Variants in SMURF1 observed in about 807,000 individuals in gnomAD.
SMURF1 encodes E3 ubiquitin-protein ligase SMURF1.
A neutral mutation model predicts 98.0 loss-of-function variants in SMURF1; 44 were observed. The ratio of observed to expected loss-of-function variants is 0.45; its 90% CI spans 0.35 to 0.58. The LOEUF is 0.58. Among genes scored for constraint, SMURF1 ranks in the 20% least tolerant of loss-of-function variants. The pLI, the probability that SMURF1 is intolerant of heterozygous loss-of-function variation, is 0.00. For synonymous variants in SMURF1, 396 were observed against 374.9 expected, an observed-to-expected ratio of 1.06 and a Z score of -0.65; for missense variants, 687 against 938.4, an observed-to-expected ratio of 0.73 and a Z score of 3.50.
intron 1 of SMURF1, among the ~76,000 whole-genome samples, chr7:99,090,754 T>C (rs1323254703): frequency 6.6e-6 from 1 of 152,230 alleles, no homozygotes; most frequent in Non-Finnish European, 1.5e-5. Flanking sequence ...TACTTTAGTA[T>C]TAGAATCTTT....
intron 16 of SMURF1, among the ~76,000 whole-genome samples, chr7:99,034,909 G>A (rs1795075291): frequency 6.6e-6 from 1 of 152,192 alleles, no homozygotes; most frequent in Non-Finnish European, 1.5e-5. Flanking sequence ...AGTCCAATCA[G>A]CTAAATTTCA....
chr7:99,063,286 T>G lies in SMURF1; in HGVS notation c.56-1449A>C, dbSNP rs867758322. Among the ~76,000 whole-genome samples, 76 of 19,636 alleles carry G rather than the reference T, an allele frequency of 3.9e-3. 6 individuals carry two copies. The highest frequency in any genetic ancestry group is 0.011 in the African/African-American group (72 of 6,720). The allele number at this position is 19,636 out of a possible 152,430, so 12.9% of individuals were successfully genotyped here. The stretch of plus-strand genomic sequence containing the variant: ...ATATATATATATATATATATATATA[T>G]ATATATATATATATATATAAAAAGA... On this transcript the variant is annotated intron_variant, in intron 1 of 17. Coordinates refer to ENST00000361368, the MANE Select transcript of SMURF1 (RefSeq NM_181349.3).
At chr7:99,089,717 T>A (rs1398358621) in intron 1 of SMURF1, among the ~76,000 whole-genome samples, 2 of 152,222 alleles carry the variant, frequency 1.3e-5, no homozygotes, top group African/African-American at 4.8e-5. Context: ...CCTTTCACAA[T>A]GTTACACCAT....
At chr7:99,127,758 T>G (rs1797777384) in intron 1 of SMURF1, among the ~76,000 whole-genome samples, 1 of 152,190 alleles carries the variant, frequency 6.6e-6, no homozygotes, top group African/African-American at 2.4e-5. Flanking sequence ...TTTATTCTAG[T>G]ATGAGAAACA....
chr7:99,040,926 G>A (rs1795352129), intron 12 of SMURF1, among the ~76,000 whole-genome samples: 1 of 152,104 alleles, frequency 6.6e-6, no homozygotes, highest in Admixed American at 6.5e-5. Context: ...CGCGCACCCA[G>A]GAAGCCAGCC....
At chr7:99,032,527 A>C (rs530679399) in intron 17 of SMURF1, among the ~76,000 whole-genome samples, 3 of 152,180 alleles carry the variant, frequency 2.0e-5, no homozygotes, top group Non-Finnish European at 4.4e-5. Context: ...AAATTAGCCA[A>C]GTGTGGTGGC....
intron 1 of SMURF1, among the ~76,000 whole-genome samples, chr7:99,068,917 A>G (rs1027203388): frequency 1.2e-4 from 18 of 152,142 alleles, no homozygotes; most frequent in Non-Finnish European, 2.9e-5. Context: ...TTGTCAGTGA[A>G]GCCTCACTCA....
intron 1 of SMURF1, among the ~76,000 whole-genome samples, chr7:99,098,535 T>C (rs1797002789): frequency 6.6e-6 from 1 of 152,200 alleles, no homozygotes; most frequent in Non-Finnish European, 1.5e-5. Flanking sequence ...TCATCACTAA[T>C]TGACTCATAT....
chr7:99,063,955 C>T (rs1266433128), intron 1 of SMURF1, among the ~76,000 whole-genome samples: 1 of 151,966 alleles, frequency 6.6e-6, no homozygotes. Flanking sequence ...GAGGCCGAGG[C>T]GGACGGATTA....
chr7:99,036,997 CAAGGATTT>C, intron 15 of SMURF1, 62 bp downstream of exon 15: 1 of 1,608,496 alleles, frequency 6.2e-7, no homozygotes, highest in Non-Finnish European at 8.5e-7. Flanking sequence ...CCCCCTGCAG[CAAGGATTT>C]AAAACAGGCA....
At chr7:99,041,663 G>C (rs1488532076) in intron 12 of SMURF1, among the ~76,000 whole-genome samples, 2 of 152,232 alleles carry the variant, frequency 1.3e-5, no homozygotes, top group African/African-American at 4.8e-5. Flanking sequence ...CCACCCTTGA[G>C]CTGGGCGTGC....
chr7:99,128,818 A>C (rs912463804), intron 1 of SMURF1, among the ~76,000 whole-genome samples: 3 of 152,254 alleles, frequency 2.0e-5, no homozygotes, highest in Admixed American at 6.5e-5. Flanking sequence ...AAGCAATAGC[A>C]ACGATGTCCA....
chr7:99,028,975 CTT>C lies in SMURF1; in HGVS notation c.*1607_*1608del, dbSNP rs1181769400. ...GCCCACCTGTGGGGGCAAGGCAGAA[CTT>C]TTCAAAGAGGCTAAGCCCACCATTT... is the stretch of plus-strand genomic sequence containing the variant. On this transcript the variant is annotated 3_prime_UTR_variant, in exon 18 of 18. Transcript: ENST00000361368. 1 of 152,258 alleles carries C rather than the reference CTT, an allele frequency of 6.6e-6. No homozygotes were observed. Among genetic ancestry groups the C allele is most frequent in the Non-Finnish European group, 1.5e-5 (1 of 68,064 alleles). The allele number at this position is 152,258 out of a possible 1,614,324, so 9.4% of individuals were successfully genotyped here.
At chr7:99,114,155 T>A (rs949162979) in intron 1 of SMURF1, among the ~76,000 whole-genome samples, 2 of 152,214 alleles carry the variant, frequency 1.3e-5, no homozygotes, top group African/African-American at 2.4e-5. Context: ...TAGATTGTTA[T>A]AAATTAAGAT....
At chr7:99,057,681 T>G in intron 3 of SMURF1, 130 bp from the exon 4 acceptor site, 1 of 1,088,690 alleles carries the variant, frequency 9.2e-7, no homozygotes, top group Non-Finnish European at 1.2e-6. Context: ...CTCAGCTCAC[T>G]GCAACTCCCA....
chr7:99,047,426 T>C (rs76705636), intron 10 of SMURF1, among the ~76,000 whole-genome samples: 5,364 of 152,296 alleles, frequency 0.035, 135 homozygotes, highest in Middle Eastern at 0.085. Context: ...AGTTTTTCCA[T>C]TTTTACCATA....
At position 99,040,483 on chromosome 7, in the gene SMURF1, C is replaced by T; in HGVS notation, c.1445G>A (p.Gly482Glu). The change falls in exon 13 of 18, where the codon GGG (glycine) becomes GAG (glutamate). Residue 482 changes from glycine to glutamate, a missense_variant. Around this residue, in one of 2 missense-constraint regions of SMURF1, gnomAD observed 272 missense variants for 430.0 expected, o/e 0.63. Coordinates refer to ENST00000361368, the MANE Select transcript of SMURF1 (RefSeq NM_181349.3). ...CTTGTAGAAGGGCACTGTGAAGCCCCCGTTGATGTAGTGTCCATGGAACAC... is the reference window on the plus strand; with the variant it reads ...CTTGTAGAAGGGCACTGTGAAGCCCTCGTTGATGTAGTGTCCATGGAACAC... ...LAVFHGHYIN[G>E]GFTVPFYKQL... The T allele has an allele frequency of 1.3e-6, 2 of 1,590,154 alleles. No homozygotes were observed. Among genetic ancestry groups the T allele is most frequent in the Non-Finnish European group, 1.7e-6 (2 of 1,168,256 alleles).
intron 11 of SMURF1, 91 bp downstream of exon 11, chr7:99,045,607 C>T: frequency 9.4e-7 from 1 of 1,060,646 alleles, no homozygotes; most frequent in African/African-American, 1.6e-5. Context: ...CCCAGGAGTG[C>T]TTGGTGATGA....
At chr7:99,063,244 TATATATA>T (rs1796086500) in intron 1 of SMURF1, among the ~76,000 whole-genome samples, 667 of 14,434 alleles carry the variant, frequency 0.046, 76 homozygotes, top group South Asian at 0.072. Flanking sequence ...GATTTATTTA[TATATATA>T]TATATATATA....
Sources: allele counts gnomAD v4.1 joint callset (sites outside exome capture counted in the v4.1 genomes callset), GRCh38; gene constraint gnomAD v4.1.1; regional missense constraint gnomAD v4.1.1; transcripts MANE v1.5; gene names NCBI Gene and HGNC (gene_info 2026-07-23, HGNC 2026-07-21).